HORMAD2: variants seen among roughly 807,000 people sequenced by gnomAD.
The protein encoded by HORMAD2 is HORMA domain containing 2.
A neutral mutation model predicts 38.8 loss-of-function variants in HORMAD2; 45 were observed. That is an observed-to-expected ratio of 1.16 (90% CI 0.91 to 1.49). HORMAD2 has a LOEUF of 1.49. HORMAD2 is among the 40% of genes most tolerant of loss of function. The pLI is 0.00. For missense variants in HORMAD2, 338 were observed against 367.0 expected, an observed-to-expected ratio of 0.92 and a Z score of 0.65; for synonymous variants, 126 against 122.8, an observed-to-expected ratio of 1.03 and a Z score of -0.17.
chr22:30,154,284 C>A (rs1248745933), intron 10 of HORMAD2, among the ~76,000 whole-genome samples: 1 of 152,140 alleles, frequency 6.6e-6, no homozygotes, highest in African/African-American at 2.4e-5. Context: ...ACAGGAAAAA[C>A]TTATTTCTAA....
chr22:30,122,835 C>G (rs1384925939), intron 10 of HORMAD2, among the ~76,000 whole-genome samples: 1 of 152,092 alleles, frequency 6.6e-6, no homozygotes, highest in Non-Finnish European at 1.5e-5. Context: ...CCATTATGCC[C>G]TAGGTAACTC....
At chr22:30,142,427 T>C (rs1924146107) in intron 10 of HORMAD2, among the ~76,000 whole-genome samples, 1 of 152,256 alleles carries the variant, frequency 6.6e-6, no homozygotes, top group Admixed American at 6.5e-5. Flanking sequence ...TGTTCAGATA[T>C]TCTGCCTAAT....
rs1308109364 is a variant in HORMAD2, at chr22:30,104,385, A to G, written c.258-16A>G. 3 of 1,604,570 alleles carry G rather than the reference A, an allele frequency of 1.9e-6. No individual in the cohort carries two copies. Among genetic ancestry groups the G allele is most frequent in the Non-Finnish European group, 2.6e-6 (3 of 1,175,958 alleles). On this transcript the variant is annotated splice_polypyrimidine_tract_variant and intron_variant, in intron 4 of 10. Transcript: ENST00000336726. ...GCATATGGTCCAATTGACATCAAAC[A>G]TTTATTTCTTGACAGGATTCAAGGT...
At chr22:30,176,026 TCTG>T (rs775654617) in intron 10 of HORMAD2, 34 bp from the exon 11 acceptor site, 1 of 1,360,374 alleles carries the variant, frequency 7.4e-7, no homozygotes, top group African/African-American at 1.4e-5. Context: ...TGTCAAAATC[TCTG>T]CTGAATTGTG....
At chr22:30,110,924 G>A (rs933862960) in intron 5 of HORMAD2, among the ~76,000 whole-genome samples, 3 of 151,000 alleles carry the variant, frequency 2.0e-5, no homozygotes, top group African/African-American at 7.3e-5. Flanking sequence ...TTGGGAGGCC[G>A]AGGTGGGTGG....
At chr22:30,162,695 G>A (rs1291719111) in intron 10 of HORMAD2, among the ~76,000 whole-genome samples, 2 of 147,816 alleles carry the variant, frequency 1.4e-5, no homozygotes, top group African/African-American at 4.9e-5. Flanking sequence ...TTTGATTTGT[G>A]GACATCTTTT....
chr22:30,171,692 A>G lies in HORMAD2; in HGVS notation c.820-4371A>G, dbSNP rs552993787. 1.5e-3 allele frequency among the ~76,000 whole-genome samples: 232 copies of G among 152,160 alleles called. 1 individual carries two copies. The highest frequency in any genetic ancestry group is 2.5e-3 in the Non-Finnish European group (173 of 68,030). ...ATGTCAAGGCACTTGCTAGATAGTG[A>G]TACAAATGTAACCAAGACATGTATG... On this transcript the variant is annotated intron_variant, in intron 10 of 10. Coordinates refer to ENST00000336726, the MANE Select transcript of HORMAD2 (RefSeq NM_152510.4).
At chr22:30,188,428 A>G in the HORMAD2 span, among the ~76,000 whole-genome samples, 8 of 152,216 alleles carry the variant, frequency 5.3e-5, no homozygotes, top group Admixed American at 5.2e-4. Flanking sequence ...ATCATCAGAA[A>G]TATGGCTGCA....
intron 2 of HORMAD2, among the ~76,000 whole-genome samples, chr22:30,094,905 C>T (rs925346481): frequency 6.6e-6 from 1 of 152,042 alleles, no homozygotes; most frequent in African/African-American, 2.4e-5. Context: ...ATTGCACTGT[C>T]TTTTCCTATA....
intron 10 of HORMAD2, among the ~76,000 whole-genome samples, chr22:30,125,349 C>T (rs1283673871): frequency 6.6e-6 from 1 of 150,964 alleles, no homozygotes; most frequent in Non-Finnish European, 1.5e-5. Flanking sequence ...CCGCCTCAGC[C>T]TCCTGAGTAG....
chr22:30,182,272 AG>A, the HORMAD2 span, among the ~76,000 whole-genome samples: 1 of 152,248 alleles, frequency 6.6e-6, no homozygotes, highest in Non-Finnish European at 1.5e-5. Flanking sequence ...GAGTTAATAC[AG>A]GAAAAGCACT....
intron 10 of HORMAD2, among the ~76,000 whole-genome samples, chr22:30,125,474 C>T (rs774443578): frequency 3.4e-4 from 52 of 151,826 alleles, no homozygotes; most frequent in Non-Finnish European, 5.7e-4. Context: ...GTGATCCGTC[C>T]GCCTCAGCCT....
rs547261712 is a variant in HORMAD2 at position 30,126,099 on chromosome 22, T to C, written c.819+3885T>C. ...ACTATTCTGCTCACAAGAATATTGC[T>C]ATCCTGACTTCTATTCGCATAGATT... On this transcript the variant is annotated intron_variant, in intron 10 of 10. Coordinates refer to ENST00000336726, the MANE Select transcript of HORMAD2 (RefSeq NM_152510.4). Among the ~76,000 whole-genome samples the C allele has an allele frequency of 7.2e-5, 11 of 152,332 alleles. No homozygotes were observed. In the East Asian group the frequency reaches 2.1e-3, roughly 29 times the overall value.
chr22:30,138,948 G>A (rs2146173544), intron 10 of HORMAD2, among the ~76,000 whole-genome samples: 1 of 152,136 alleles, frequency 6.6e-6, no homozygotes, highest in Middle Eastern at 3.4e-3. Flanking sequence ...GTTGCTTTGA[G>A]TAAAGTAAAA....
At chr22:30,119,163 A>T (rs948361888) in intron 8 of HORMAD2, 116 bp downstream of exon 8, 1 of 663,494 alleles carries the variant, frequency 1.5e-6, no homozygotes, top group Non-Finnish European at 2.6e-6. Flanking sequence ...CAAACCCTAC[A>T]GAAAACCACT....
At chr22:30,202,965 G>A in the HORMAD2 span, among the ~76,000 whole-genome samples, 6 of 152,308 alleles carry the variant, frequency 3.9e-5, no homozygotes, top group Admixed American at 2.6e-4. Flanking sequence ...CCCAGGGCAC[G>A]GTCTGGCCTA....
intron 6 of HORMAD2, among the ~76,000 whole-genome samples, chr22:30,112,170 A>C (rs1219975293): frequency 6.6e-6 from 1 of 152,130 alleles, no homozygotes; most frequent in Non-Finnish European, 1.5e-5. Flanking sequence ...CATAGTTAAG[A>C]ATAGAAAATG....
intron 1 of HORMAD2, among the ~76,000 whole-genome samples, chr22:30,091,776 A>G (rs540742358): frequency 6.6e-6 from 1 of 152,244 alleles, no homozygotes; most frequent in South Asian, 2.1e-4. Flanking sequence ...TGTTTTCCAT[A>G]ATGCTTGTAC....
intron 7 of HORMAD2, among the ~76,000 whole-genome samples, chr22:30,113,291 GCTGGCT>G (rs2146112541): frequency 6.6e-6 from 1 of 151,502 alleles, no homozygotes; most frequent in East Asian, 1.9e-4. Context: ...TGTTACATAG[GCTGGCT>G]CTGCCTCCCA....
Sources: gnomAD v4.1 joint callset for allele counts (sites outside exome capture counted in the v4.1 genomes callset) on GRCh38, gnomAD v4.1.1 for gene constraint, MANE v1.5 for transcripts, NCBI Gene and HGNC (gene_info 2026-07-23, HGNC 2026-07-21) for gene names.